The following MTOR variants were observed in gnomAD, a reference collection of about 807,000 sequenced individuals.
MTOR encodes the protein serine/threonine-protein kinase mTOR.
MTOR carries 70 observed loss-of-function variants against 319.8 expected under a neutral mutation model. That is an observed-to-expected ratio of 0.22 (90% confidence interval 0.18 to 0.27). The LOEUF (loss-of-function observed/expected upper bound fraction) is 0.27, where lower values mean the gene tolerates loss of function less well. Ranked by LOEUF, MTOR falls within the 10% of genes least tolerant of loss-of-function variation. The probability of loss-of-function intolerance (pLI) is 1.00; values close to 1 mark genes in which losing one functional copy is unlikely to be tolerated. For synonymous variants in MTOR, 1,183 were observed against 1,211.4 expected, an observed-to-expected ratio of 0.98 and a Z score of 0.49; for missense variants, 1,890 against 3,274.4, an observed-to-expected ratio of 0.58 and a Z score of 10.32.
chr1:11,211,531 C>T (rs1224877371), intron 23 of MTOR, among the ~76,000 whole-genome samples: 1 of 152,122 alleles, frequency 6.6e-6, no homozygotes, highest in African/African-American at 2.4e-5. Context: ...CTACGCCTGG[C>T]TAAGTTTTAA....
chr1:11,152,046 C>T (rs771953099), intron 30 of MTOR, among the ~76,000 whole-genome samples: 3 of 152,200 alleles, frequency 2.0e-5, no homozygotes, highest in South Asian at 2.1e-4. Context: ...GAACTTCGCA[C>T]GGCCTTCACC....
At chr1:11,114,193 C>T (rs1210568587) in intron 53 of MTOR, 125 bp downstream of exon 53, 1 of 1,168,848 alleles carries the variant, frequency 8.6e-7, no homozygotes. Flanking sequence ...AGGGGTCTTA[C>T]TATGTTGCCC....
intron 13 of MTOR, among the ~76,000 whole-genome samples, chr1:11,237,263 TGAA>T (rs1341148667): frequency 6.6e-6 from 1 of 151,930 alleles, no homozygotes; most frequent in Non-Finnish European, 1.5e-5. Context: ...ACTCAGTAGG[TGAA>T]GACAAAAACT....
At chr1:11,240,038 G>A (rs1647797399) in intron 11 of MTOR, among the ~76,000 whole-genome samples, 1 of 152,186 alleles carries the variant, frequency 6.6e-6, no homozygotes, top group African/African-American at 2.4e-5. Flanking sequence ...AGGATGTGAG[G>A]GGGATCTGTC....
intron 49 of MTOR, among the ~76,000 whole-genome samples, chr1:11,119,819 T>G (rs545323207): frequency 6.6e-6 from 1 of 151,058 alleles, no homozygotes; most frequent in Non-Finnish European, 1.5e-5. Flanking sequence ...GAAGAAACTT[T>G]AAAGAAAAGG....
chr1:11,261,145 T>C (rs1327384829), intron 1 of MTOR, among the ~76,000 whole-genome samples: 1 of 151,882 alleles, frequency 6.6e-6, no homozygotes, highest in Non-Finnish European at 1.5e-5. Context: ...GTGGTTCTTG[T>C]ACTGAACAAC....
intron 20 of MTOR, 103 bp downstream of exon 20, chr1:11,216,045 G>T: frequency 1.3e-6 from 1 of 761,940 alleles, no homozygotes. Flanking sequence ...GACTGTAACA[G>T]CTCTACAAAG....
Position 11,238,530 on chromosome 1 carries a change from G to C in MTOR, c.1874C>G (p.Thr625Ser). The C allele has an allele frequency of 6.2e-7, 1 of 1,614,230 alleles. No individual in the cohort carries two copies. Among genetic ancestry groups the C allele is most frequent in the Non-Finnish European group, 8.5e-7 (1 of 1,180,046 alleles). The change falls in exon 12 of 58, where the codon ACC becomes AGC. Residue 625 changes from threonine (T) to serine (S), a missense_variant. Physicochemically the swap from Thr to Ser is moderately conservative, Grantham distance 58. Coordinates refer to ENST00000361445, the MANE Select transcript of MTOR (RefSeq NM_004958.4). ...HKEIRMEAARTCSRLLTPSIH... is the reference protein window; with the variant it reads ...HKEIRMEAARSCSRLLTPSIH... ...GGAGGGTGTGAGCAGGCGGGAGCAG[G>C]TGCGGGCAGCCTCCATGCGGATCTC...
At chr1:11,255,162 A>T (rs1222048263) in intron 5 of MTOR, among the ~76,000 whole-genome samples, 1 of 151,862 alleles carries the variant, frequency 6.6e-6, no homozygotes, top group Non-Finnish European at 1.5e-5. Context: ...AGGCAGGTGG[A>T]TCATGAGGTC....
In MTOR at chr1:11,209,224, C is replaced by T. The variant is rs186831326; in HGVS notation, c.3801+88G>A. ...TGGAAAAAACACCTGGGCTGGTTTT[C>T]GGTTGCCCAGTTTAAACAGTTAAAA... is the stretch of plus-strand genomic sequence containing the variant. On this transcript the variant is annotated intron_variant, in intron 25 of 57. Coordinates refer to ENST00000361445, the MANE Select transcript of MTOR (RefSeq NM_004958.4). The T allele has an allele frequency of 2.2e-3, 3,388 of 1,522,182 alleles. 11 individuals carry two copies. Among genetic ancestry groups the T allele is most frequent in the Non-Finnish European group, 2.8e-3 (3,088 of 1,117,320 alleles). The allele number at this position is 1,522,182 out of a possible 1,614,324, so 94.3% of individuals were successfully genotyped here. A position where few individuals can be genotyped will look rare whatever the true frequency, so the allele number is the denominator to read the frequency against.
At chr1:11,190,627 T>C (rs1645490576) in intron 28 of MTOR, among the ~76,000 whole-genome samples, 2 of 152,238 alleles carry the variant, frequency 1.3e-5, no homozygotes, top group Non-Finnish European at 2.9e-5. Context: ...ATAGACTTAA[T>C]AGGCCAAAAA....
At position 11,122,087 on chromosome 1, in the gene MTOR, C is replaced by G. The variant is rs2100363220; in HGVS notation, c.6702G>C (p.Ser2234=). The part of the protein sequence containing the change: ...RYAVIPLSTN[S]GLIGWVPHCD... Reference sequence around the variant, plus strand: ...AGTGGGGAACCCAGCCAATGAGGCCCGAGTTGGTCGATAAAGGGATGACAG... The same window carrying G: ...AGTGGGGAACCCAGCCAATGAGGCCGGAGTTGGTCGATAAAGGGATGACAG... The change falls in exon 48 of 58, where the codon TCG becomes TCC. Residue 2234 remains serine, a synonymous_variant. Coordinates refer to ENST00000361445, the MANE Select transcript of MTOR (RefSeq NM_004958.4). 3 of 1,614,150 alleles carry G rather than the reference C, an allele frequency of 1.9e-6. No individual in the cohort carries two copies. Among genetic ancestry groups the G allele is most frequent in the Non-Finnish European group, 2.5e-6 (3 of 1,180,024 alleles).
chr1:11,158,904 A>T (rs1191668230), intron 29 of MTOR, among the ~76,000 whole-genome samples: 1 of 152,228 alleles, frequency 6.6e-6, no homozygotes, highest in African/African-American at 2.4e-5. Context: ...GATTGCTGTT[A>T]CATAAATTTT....
At chr1:11,176,270 T>C (rs570589344) in intron 28 of MTOR, among the ~76,000 whole-genome samples, 1 of 152,278 alleles carries the variant, frequency 6.6e-6, no homozygotes, top group East Asian at 1.9e-4. Context: ...CAGTGCCTCC[T>C]TGAGTGGCCC....
chr1:11,124,828 T>C lies in MTOR; in HGVS notation c.6527-195A>G, dbSNP rs553422419. On this transcript the variant is annotated intron_variant, in intron 46 of 57. Coordinates refer to ENST00000361445, the MANE Select transcript of MTOR (RefSeq NM_004958.4). ...CTTTTATGGTTCTCAATGACCAGTG[T>C]TGTTCAAATTAAAACAAAACAAAAT... Among the ~76,000 whole-genome samples, 3 of 152,364 alleles carry C rather than the reference T, an allele frequency of 2.0e-5. No individual in the cohort carries two copies. The South Asian group carries it at 6.2e-4, about 32-fold the overall frequency.
At chr1:11,197,642 A>G (rs1172978026) in intron 28 of MTOR, among the ~76,000 whole-genome samples, 1 of 152,194 alleles carries the variant, frequency 6.6e-6, no homozygotes, top group Non-Finnish European at 1.5e-5. Flanking sequence ...CCCAGGTTCA[A>G]GCAATTCTCC....
At chr1:11,119,525 C>T (rs183686452) in intron 49 of MTOR, among the ~76,000 whole-genome samples, 9 of 142,288 alleles carry the variant, frequency 6.3e-5, no homozygotes, top group Non-Finnish European at 1.1e-4. Context: ...GAGCCGAGAT[C>T]GCGCCACTGC....
intron 28 of MTOR, chr1:11,193,625 C>A (rs747337772): frequency 6.2e-7 from 1 of 1,611,842 alleles, no homozygotes; most frequent in African/African-American, 1.3e-5. Context: ...GACCATCATC[C>A]AGAGACGAAA....
chr1:11,227,313 A>AT (rs1646876706), intron 19 of MTOR, among the ~76,000 whole-genome samples: 2 of 151,056 alleles, frequency 1.3e-5, no homozygotes, highest in Admixed American at 6.6e-5. Flanking sequence ...AAAAAAAAAA[A>AT]AAAAAAAAAA....
Sources: gnomAD v4.1 joint callset for allele counts (sites outside exome capture counted in the v4.1 genomes callset) on GRCh38, gnomAD v4.1.1 for gene constraint, MANE v1.5 for transcripts, NCBI Gene and HGNC (gene_info 2026-07-23, HGNC 2026-07-21) for gene names.